The following ZBTB20 variants were observed in gnomAD, a reference collection of about 807,000 sequenced individuals.
ZBTB20 encodes the protein zinc finger and BTB domain-containing protein 20.
In ZBTB20, 9 loss-of-function variants were observed where a neutral mutation model predicts 56.9. The ratio of observed to expected loss-of-function variants is 0.16; its 90% CI spans 0.10 to 0.28. The LOEUF is 0.28. Ranked by LOEUF, ZBTB20 falls within the 10% of genes least tolerant of loss-of-function variation. The pLI is 1.00. For missense variants in ZBTB20, 655 were observed against 1,003.0 expected, an observed-to-expected ratio of 0.65 and a Z score of 4.69; for synonymous variants, 417 against 420.7, an observed-to-expected ratio of 0.99 and a Z score of 0.11.
intron 6 of ZBTB20, among the ~76,000 whole-genome samples, chr3:114,615,314 A>G (rs1209241510): frequency 6.6e-6 from 1 of 152,224 alleles, no homozygotes; most frequent in Non-Finnish European, 1.5e-5. Context: ...GTAAATATCA[A>G]AATAGAATGT....
intron 1 of ZBTB20, among the ~76,000 whole-genome samples, chr3:115,080,499 A>T (rs767210148): frequency 3.9e-5 from 6 of 152,226 alleles, no homozygotes; most frequent in Non-Finnish European, 8.8e-5. Context: ...AAAATATAGA[A>T]GAAAAGAGCC....
chr3:114,636,942 C>CA (rs2059311023), intron 6 of ZBTB20, among the ~76,000 whole-genome samples: 1 of 149,422 alleles, frequency 6.7e-6, no homozygotes, highest in South Asian at 2.1e-4. Context: ...ACAACAACAA[C>CA]ACACTTTAGC....
chr3:114,482,026 G>A (rs1577011286), intron 7 of ZBTB20, among the ~76,000 whole-genome samples: 1 of 152,214 alleles, frequency 6.6e-6, no homozygotes, highest in Non-Finnish European at 1.5e-5. Flanking sequence ...GTAGGGTGAG[G>A]GTTGGGTCTG....
At chr3:114,468,788 C>T (rs567055623) in intron 7 of ZBTB20, among the ~76,000 whole-genome samples, 13 of 152,004 alleles carry the variant, frequency 8.6e-5, no homozygotes, top group South Asian at 8.3e-4. Context: ...CTTAATACAA[C>T]GACCACAAGC....
In ZBTB20 at chr3:114,444,071, G is replaced by A. The variant is rs1168668822; in HGVS notation, c.-254-54966C>T. Among the ~76,000 whole-genome samples the A allele has an allele frequency of 2.6e-5, 4 of 152,236 alleles. No individual in the cohort carries two copies. The East Asian group carries it at 5.8e-4, about 22-fold the overall frequency. Reference sequence around the variant, plus strand: ...GAACATGGATGGGAAAATGTGGTGTGTGCTTAGGAAACAAGGATTGTTCCA... The same window carrying A: ...GAACATGGATGGGAAAATGTGGTGTATGCTTAGGAAACAAGGATTGTTCCA... On this transcript the variant is annotated intron_variant, in intron 7 of 11. Coordinates refer to ENST00000675478, the MANE Select transcript of ZBTB20 (RefSeq NM_001348800.3).
intron 4 of ZBTB20, among the ~76,000 whole-genome samples, chr3:114,881,091 A>G (rs530019478): frequency 6.6e-6 from 1 of 152,200 alleles, no homozygotes; most frequent in African/African-American, 2.4e-5. Flanking sequence ...TTCACATTTC[A>G]CCTATATTTA....
chr3:114,429,326 T>C (rs549798374), intron 7 of ZBTB20, among the ~76,000 whole-genome samples: 1 of 152,354 alleles, frequency 6.6e-6, no homozygotes, highest in East Asian at 1.9e-4. Flanking sequence ...ATCATTAATT[T>C]TGAATCTTGA....
chr3:114,743,069 C>A (rs2066738895), intron 5 of ZBTB20, among the ~76,000 whole-genome samples: 1 of 151,980 alleles, frequency 6.6e-6, no homozygotes, highest in Non-Finnish European at 1.5e-5. Context: ...AATTTTTTTA[C>A]AAAGCATTGT....
In ZBTB20 at chr3:114,893,817, C is replaced by T. The variant is rs536626395; in HGVS notation, c.-417+6487G>A. The stretch of plus-strand genomic sequence containing the variant: ...GGCATGACTTGTCTCTCAGTGCCAT[C>T]CATACAAATGGGGGCCAGAATCAAC... On this transcript the variant is annotated intron_variant, in intron 4 of 11. Transcript: ENST00000675478. Among the ~76,000 whole-genome samples, 11 of 152,278 alleles carry T rather than the reference C, an allele frequency of 7.2e-5. No homozygotes were observed. In the South Asian group the frequency reaches 1.9e-3, roughly 26 times the overall value.
intron 2 of ZBTB20, among the ~76,000 whole-genome samples, chr3:115,040,355 T>C (rs1560517021): frequency 6.6e-6 from 1 of 152,154 alleles, no homozygotes; most frequent in African/African-American, 2.4e-5. Context: ...GATCTTATTC[T>C]AGAAGCCTGT....
At chr3:114,786,522 T>C (rs1248321960) in intron 5 of ZBTB20, among the ~76,000 whole-genome samples, 2 of 151,978 alleles carry the variant, frequency 1.3e-5, no homozygotes, top group African/African-American at 4.8e-5. Flanking sequence ...TGAATTAATA[T>C]ACTGTCATAG....
In ZBTB20 at chr3:114,915,621, C is replaced by T. The variant is rs542322033; in HGVS notation, c.-455-15279G>A. Among the ~76,000 whole-genome samples the T allele has an allele frequency of 1.8e-3, 279 of 151,538 alleles. 1 individual carries two copies. Among genetic ancestry groups the T allele is most frequent in the African/African-American group, 5.8e-3 (242 of 41,416 alleles). ...ATCTTTATTATTTATTTAATTCTAC[C>T]GATTTTGGGTTTGGTTTACTCTTGC... On this transcript the variant is annotated intron_variant, in intron 3 of 11. Transcript: ENST00000675478.
At chr3:114,723,874 C>CT (rs372229997) in intron 5 of ZBTB20, among the ~76,000 whole-genome samples, 38 of 149,462 alleles carry the variant, frequency 2.5e-4, no homozygotes, top group African/African-American at 5.6e-4. Flanking sequence ...TCCTTCTTTT[C>CT]TTTTTTTTTT....
intron 6 of ZBTB20, chr3:114,528,696 G>A (rs1042064118): frequency 6.6e-6 from 1 of 152,168 alleles, no homozygotes; most frequent in Non-Finnish European, 1.5e-5. Context: ...GTGACTCACT[G>A]TGTGACATCC....
At position 115,033,223 on chromosome 3, in the gene ZBTB20, C is replaced by T. The variant is rs1407086988; in HGVS notation, c.-507+37996G>A. 3.0e-4 allele frequency among the ~76,000 whole-genome samples: 46 copies of T among 151,206 alleles called. 1 individual carries two copies. The highest frequency in any genetic ancestry group is 3.0e-5 in the Non-Finnish European group (2 of 67,460). On this transcript the variant is annotated intron_variant, in intron 2 of 11. Coordinates refer to ENST00000675478, the MANE Select transcript of ZBTB20 (RefSeq NM_001348800.3). The stretch of plus-strand genomic sequence containing the variant: ...AAATAAAAATGATTATAAAAGAGTA[C>T]GATGAGCAATTGCTAGGCCAACGAA...
rs564206010 is a variant in ZBTB20, at chr3:114,781,055, T to A, written c.-343+20046A>T. ...AAAACAAACATTTTTAAGAGTCATA[T>A]AAAGGCAAATTTTAATTTGAAGACT... is the stretch of plus-strand genomic sequence containing the variant. On this transcript the variant is annotated intron_variant, in intron 5 of 11. Coordinates refer to ENST00000675478, the MANE Select transcript of ZBTB20 (RefSeq NM_001348800.3). Among the ~76,000 whole-genome samples the A allele has an allele frequency of 3.9e-5, 6 of 152,278 alleles. No individual in the cohort carries two copies. The South Asian group carries it at 1.2e-3, about 32-fold the overall frequency.
At chr3:114,947,764 T>C (rs2076931738) in intron 3 of ZBTB20, among the ~76,000 whole-genome samples, 3 of 145,814 alleles carry the variant, frequency 2.1e-5, no homozygotes, top group Non-Finnish European at 1.5e-5. Flanking sequence ...AATATATCTA[T>C]GTAACAAAAT....
chr3:114,903,155 T>C (rs1191918516), intron 3 of ZBTB20, among the ~76,000 whole-genome samples: 1 of 152,102 alleles, frequency 6.6e-6, no homozygotes, highest in African/African-American at 2.4e-5. Context: ...GTTAAGCACT[T>C]AGCTTTTGCC....
At chr3:114,788,182 A>AT in intron 5 of ZBTB20, among the ~76,000 whole-genome samples, 1 of 152,186 alleles carries the variant, frequency 6.6e-6, no homozygotes, top group African/African-American at 2.4e-5. Flanking sequence ...TCAAAGGTAC[A>AT]TTTTTTTATT....
Sources: allele counts gnomAD v4.1 joint callset (sites outside exome capture counted in the v4.1 genomes callset), GRCh38; gene constraint gnomAD v4.1.1; transcripts MANE v1.5; gene names NCBI Gene and HGNC (gene_info 2026-07-23, HGNC 2026-07-21).